Variants in TXNDC17 observed in about 807,000 individuals in gnomAD.
TXNDC17 encodes the protein thioredoxin domain containing 17.
A neutral mutation model predicts 16.3 loss-of-function variants in TXNDC17; 12 were observed. That is an observed-to-expected ratio of 0.74 (90% confidence interval 0.47 to 1.19). TXNDC17 has a LOEUF of 1.19. Among genes scored for constraint, TXNDC17 ranks in the 50% most tolerant of loss-of-function variants. The pLI is 0.00. For synonymous variants in TXNDC17, 62 were observed against 55.0 expected (o/e 1.13, Z -0.56); for missense variants, 158 against 149.7 (o/e 1.06, Z -0.29).
intron 3 of TXNDC17, 107 bp downstream of exon 3, chr17:6,642,431 G>A (rs1972699352): frequency 2.6e-6 from 2 of 766,176 alleles, no homozygotes; most frequent in Non-Finnish European, 4.2e-6. Flanking sequence ...CAATTCCATT[G>A]TTGTTCAGAG....
At chr17:6,641,352 T>C in intron 1 of TXNDC17, 125 bp downstream of exon 1, 1 of 1,354,122 alleles carries the variant, frequency 7.4e-7, no homozygotes, top group Non-Finnish European at 1.0e-6. Flanking sequence ...ATCTGAGCTG[T>C]CCCCAAGTCT....
At position 6,644,486 on chromosome 17, in the gene TXNDC17, T is replaced by C. The variant is rs1343632593; in HGVS notation, c.*1467T>C. The C allele has an allele frequency of 1.2e-6, 2 of 1,603,956 alleles. No individual in the cohort carries two copies. Among genetic ancestry groups the C allele is most frequent in the African/African-American group, 1.3e-5 (1 of 74,396 alleles). ...AGTTTTTCATTTTCCCGATGTGTTATTTTGCTGTTGCTGCTCTGCCAAGGC... is the reference window on the plus strand; with the variant it reads ...AGTTTTTCATTTTCCCGATGTGTTACTTTGCTGTTGCTGCTCTGCCAAGGC... On this transcript the variant is annotated 3_prime_UTR_variant, in exon 4 of 4. Transcript: ENST00000250101.
chr17:6,642,808 A>G (rs776385973), intron 3 of TXNDC17, 143 bp from the exon 4 acceptor site: 151 of 647,942 alleles, frequency 2.3e-4, no homozygotes, highest in Non-Finnish European at 3.8e-4. Flanking sequence ...TGATTCTTTC[A>G]TAAAACTTGT....
chr17:6,642,592 T>C lies in TXNDC17; in HGVS notation c.303+268T>C, dbSNP rs1972704263. On this transcript the variant is annotated intron_variant, in intron 3 of 3. Transcript: ENST00000250101. Reference sequence around the variant, plus strand: ...TAAAACATTTGCATCAACAGTTGTTTTCTGTTTAATTCATAATTCTGGTTA... The same window carrying C: ...TAAAACATTTGCATCAACAGTTGTTCTCTGTTTAATTCATAATTCTGGTTA... 6 of 451,274 alleles carry C rather than the reference T, an allele frequency of 1.3e-5. No individual in the cohort carries two copies. In the South Asian group the frequency reaches 2.2e-4, roughly 16 times the overall value. 28.0% of individuals were successfully genotyped at this position (451,274 alleles called of 1,614,324 possible).
intron 2 of TXNDC17, 61 bp downstream of exon 2, chr17:6,641,895 G>T: frequency 2.1e-6 from 3 of 1,456,358 alleles, no homozygotes; most frequent in Non-Finnish European, 2.9e-6. Context: ...TAGGCGGGAA[G>T]GGCCTCAGGG....
In TXNDC17 at chr17:6,644,507, A is replaced by C; in HGVS notation, c.*1488A>C. On this transcript the variant is annotated 3_prime_UTR_variant, in exon 4 of 4. Transcript: ENST00000250101. The stretch of plus-strand genomic sequence containing the variant: ...GTTATTTTGCTGTTGCTGCTCTGCC[A>C]AGGCTTGCTGAAGGCGCATCCGCTT... 1 of 1,609,230 alleles carries C rather than the reference A, an allele frequency of 6.2e-7. No homozygotes were observed. The highest frequency in any genetic ancestry group is 2.2e-5 in the East Asian group (1 of 44,824).
In TXNDC17 at chr17:6,641,145, G is replaced by A. The variant is rs34720503; in HGVS notation, c.63G>A (p.Gln21=). ...AGGAGTTCCACCGGGCCGTGGAACA[G>A]CACAATGGCAAGACCATTTTCGCCT... ...GFEEFHRAVE[Q]HNGKTIFAYF... Residue 21 remains glutamine, a synonymous_variant, in exon 1 of 4, where the codon CAG becomes CAA. Transcript: ENST00000250101. 7,245 of 1,613,820 alleles carry A rather than the reference G, an allele frequency of 4.5e-3. 291 individuals carry two copies. In the African/African-American group the frequency reaches 0.084, roughly 19 times the overall value.
At chr17:6,641,367 C>A in intron 1 of TXNDC17, 140 bp downstream of exon 1, 1 of 1,227,776 alleles carries the variant, frequency 8.1e-7, no homozygotes, top group Non-Finnish European at 1.1e-6. Flanking sequence ...AAGTCTCCTT[C>A]TATTAAATCC....
chr17:6,643,940 A>G lies in TXNDC17; in HGVS notation c.*921A>G. On this transcript the variant is annotated 3_prime_UTR_variant, in exon 4 of 4. Coordinates refer to ENST00000250101, the MANE Select transcript of TXNDC17 (RefSeq NM_032731.4). ...CAGTGATTCTTAAAGCCACCTTGCA[A>G]AGCAGGTAATACAGTTATTTCCTGT... is the stretch of plus-strand genomic sequence containing the variant. The G allele has an allele frequency of 2.5e-6, 1 of 395,534 alleles. No homozygotes were observed. The allele number at this position is 395,534 out of a possible 1,614,324, so 24.5% of individuals were successfully genotyped here.
At position 6,644,255 on chromosome 17, in the gene TXNDC17, CACCTT is replaced by C; in HGVS notation, c.*1239_*1243del. 5.4e-6 allele frequency: 3 copies of C among 559,188 alleles called. No homozygotes were observed. The highest frequency in any genetic ancestry group is 8.5e-6 in the Non-Finnish European group (3 of 353,056). 34.6% of individuals were successfully genotyped at this position (559,188 alleles called of 1,614,324 possible). ...ATGCTAAATGCGTAAAAAAGAAAAA[CACCTT>C]ACAAATCCACAGGGAAATCAAAGAA... is the stretch of plus-strand genomic sequence containing the variant. On this transcript the variant is annotated 3_prime_UTR_variant, in exon 4 of 4. Transcript: ENST00000250101.
chr17:6,641,977 T>C, intron 2 of TXNDC17, 143 bp downstream of exon 2: 2 of 807,804 alleles, frequency 2.5e-6, no homozygotes, highest in Non-Finnish European at 4.1e-6. Flanking sequence ...TAAATACAAA[T>C]TTAAAATGCC....
intron 2 of TXNDC17, 95 bp downstream of exon 2, chr17:6,641,929 C>T (rs1302176533): frequency 9.2e-7 from 1 of 1,089,302 alleles, no homozygotes; most frequent in Non-Finnish European, 1.4e-6. Context: ...GTTTGTCTTA[C>T]AAGGTAATGT....
chr17:6,644,019 C>A lies in TXNDC17; in HGVS notation c.*1000C>A. On this transcript the variant is annotated 3_prime_UTR_variant, in exon 4 of 4. Transcript: ENST00000250101. ...TTCCTGTCCTATGATTTAAAGAGGT[C>A]AGTGACTCCGCTACTCTCACTACAT... 2.5e-6 allele frequency: 1 copy of A among 399,734 alleles called. No homozygotes were observed. The highest frequency in any genetic ancestry group is 1.3e-4 in the South Asian group (1 of 7,834). The allele number at this position is 399,734 out of a possible 1,614,324, so 24.8% of individuals were successfully genotyped here.
chr17:6,641,544 A>C, intron 1 of TXNDC17: 1 of 643,754 alleles, frequency 1.6e-6, no homozygotes, highest in Non-Finnish European at 2.7e-6. Context: ...GCGGTGGTGC[A>C]GGGGCAAATC....
At position 6,641,874 on chromosome 17, in the gene TXNDC17, A is replaced by C. The variant is rs1422868960; in HGVS notation, c.227+40A>C. The C allele has an allele frequency of 4.4e-6, 7 of 1,585,432 alleles. No homozygotes were observed. The South Asian group carries it at 5.5e-5, about 13-fold the overall frequency. ...ATAATCTACCTCGCAGACGTGCACA[A>C]ATTGCATACTTAGGCGGGAAGGGCC... On this transcript the variant is annotated intron_variant, in intron 2 of 3. Transcript: ENST00000250101.
rs1371024452 is a variant in TXNDC17 at position 6,641,676 on chromosome 17, A to AG, written c.146-72dup. The AG allele has an allele frequency of 2.8e-5, 39 of 1,380,704 alleles. No individual in the cohort carries two copies. The African/African-American group carries it at 4.6e-4, about 16-fold the overall frequency. The allele number at this position is 1,380,704 out of a possible 1,614,324, so 85.5% of individuals were successfully genotyped here. A position where few individuals can be genotyped will look rare whatever the true frequency, so the allele number is the denominator to read the frequency against. ...CTGAGTGCTTACCAAGACTGGGGGA[A>AG]GGGGGAAAGAACACAGTTTATACGT... On this transcript the variant is annotated intron_variant, in intron 1 of 3. Coordinates refer to ENST00000250101, the MANE Select transcript of TXNDC17 (RefSeq NM_032731.4).
In TXNDC17 at chr17:6,642,318, T is replaced by C. The variant is rs763583345; in HGVS notation, c.297T>C (p.Tyr99=). ...CAGCAGTGCCTACACTACTTAAGTA[T>C]GGAACAGTAAGTATCTTTAAATATG... is the stretch of plus-strand genomic sequence containing the variant. ...KVTAVPTLLK[Y]GTPQKLVESE... Residue 99 remains tyrosine (Y), a synonymous_variant, in exon 3 of 4, where the codon TAT becomes TAC. Coordinates refer to ENST00000250101, the MANE Select transcript of TXNDC17 (RefSeq NM_032731.4). 6 of 1,600,934 alleles carry C rather than the reference T, an allele frequency of 3.7e-6. No homozygotes were observed. In the East Asian group the frequency reaches 1.3e-4, roughly 36 times the overall value.
At position 6,641,065 on chromosome 17, in the gene TXNDC17, C is replaced by T. The variant is rs369528159; in HGVS notation, c.-18C>T. On this transcript the variant is annotated 5_prime_UTR_variant, in exon 1 of 4. Coordinates refer to ENST00000250101, the MANE Select transcript of TXNDC17 (RefSeq NM_032731.4). ...GACCGGACGTGCACTCCTCCAGTAG[C>T]GGCTGCACGTCGTGCCAATGGCCCG... The T allele has an allele frequency of 3.1e-4, 502 of 1,609,062 alleles. 1 individual carries two copies. Among genetic ancestry groups the T allele is most frequent in the Non-Finnish European group, 4.0e-4 (468 of 1,178,494 alleles).
intron 3 of TXNDC17, 73 bp downstream of exon 3, chr17:6,642,397 T>C (rs1189541349): frequency 9.4e-7 from 1 of 1,064,808 alleles, no homozygotes; most frequent in East Asian, 2.4e-5. Flanking sequence ...GATCCAGATT[T>C]GAAAAGATCT....
Sources: gnomAD v4.1 joint callset for allele counts on GRCh38, gnomAD v4.1.1 for gene constraint, MANE v1.5 for transcripts, NCBI Gene and HGNC (gene_info 2026-07-23, HGNC 2026-07-21) for gene names.